Variants in CACNA1C observed in about 807,000 individuals in gnomAD.
CACNA1C encodes voltage-dependent L-type calcium channel subunit alpha-1C.
A neutral mutation model predicts 229.0 loss-of-function variants in CACNA1C; 30 were observed. The ratio of observed to expected loss-of-function variants is 0.13; its 90% CI spans 0.10 to 0.18. The LOEUF is 0.18. Ranked by LOEUF, CACNA1C falls within the 10% of genes least tolerant of loss-of-function variation. CACNA1C has a pLI of 1.00. For synonymous variants in CACNA1C, 1,114 were observed against 1,132.5 expected (o/e 0.98, Z 0.33); for missense variants, 1,658 against 2,845.0 (o/e 0.58, Z 9.49).
At chr12:2,016,088 G>A (rs1430800739) in intron 1 of CACNA1C, among the ~76,000 whole-genome samples, 1 of 152,172 alleles carries the variant, frequency 6.6e-6, no homozygotes, top group Non-Finnish European at 1.5e-5. Flanking sequence ...GAAATGGGGT[G>A]CTCCATCTTT....
Position 2,679,594 on chromosome 12 carries a change from C to T in CACNA1C, c.5242C>T (p.Leu1748=). 1 of 1,613,784 alleles carries T rather than the reference C, an allele frequency of 6.2e-7. No homozygotes were observed. The highest frequency in any genetic ancestry group is 8.5e-7 in the Non-Finnish European group (1 of 1,179,808). ...CACTGAGTCGCCATCCCACGAGAAG[C>T]TGGTGGACTCCACCTTCACCCCGAG... The part of the protein sequence containing the change: ...GDTESPSHEK[L]VDSTFTPSSY... The change falls in exon 42 of 47, where the codon CTG becomes TTG. Residue 1748 remains leucine, a synonymous_variant. Transcript: ENST00000399655. This position sits in a 1 kb window ranked among gnomAD's most constrained non-coding sequence, Gnocchi z 5.5.
intron 3 of CACNA1C, among the ~76,000 whole-genome samples, chr12:2,272,620 C>T (rs1414308032): frequency 6.6e-6 from 1 of 152,194 alleles, no homozygotes; most frequent in Non-Finnish European, 1.5e-5. Context: ...GGGAGTTTGA[C>T]GGTTGGCTGT....
At chr12:2,416,304 C>T (rs992935081) in intron 3 of CACNA1C, among the ~76,000 whole-genome samples, 1 of 151,406 alleles carries the variant, frequency 6.6e-6, no homozygotes, top group Non-Finnish European at 1.5e-5. Flanking sequence ...AAGTATCAGG[C>T]ACATTGGAGA....
rs1287814020 is a variant in CACNA1C at position 2,606,709 on chromosome 12, C to T, written c.3209+46C>T. The T allele has an allele frequency of 2.6e-6, 4 of 1,550,550 alleles. No homozygotes were observed. The African/African-American group carries it at 4.1e-5, about 16-fold the overall frequency. On this transcript the variant is annotated intron_variant, in intron 25 of 46. Transcript: ENST00000399655. ...AGCCAGGGCCACGGCCGGTCAGCCCCAGGAGGCTGGAGGCTTGACCAGAAA... is the reference window on the plus strand; with the variant it reads ...AGCCAGGGCCACGGCCGGTCAGCCCTAGGAGGCTGGAGGCTTGACCAGAAA...
intron 3 of CACNA1C, 88 bp downstream of exon 3, chr12:2,120,518 G>A: frequency 1.2e-6 from 1 of 820,732 alleles, no homozygotes; most frequent in Non-Finnish European, 2.2e-6. Context: ...TGGGAGAGAA[G>A]TGAGACGTGT....
chr12:2,491,321 A>G (rs2154571453), intron 6 of CACNA1C, among the ~76,000 whole-genome samples: 1 of 152,266 alleles, frequency 6.6e-6, no homozygotes, highest in East Asian at 1.9e-4. Context: ...GACTATATAA[A>G]CTTACTAAAA....
At chr12:2,520,830 G>T (rs147315829) in intron 9 of CACNA1C, among the ~76,000 whole-genome samples, 14 of 150,342 alleles carry the variant, frequency 9.3e-5, no homozygotes, top group African/African-American at 2.0e-4. Flanking sequence ...GTGTGCTTCA[G>T]AGGAGGGAAG....
At chr12:2,328,450 G>A (rs914777244) in intron 3 of CACNA1C, among the ~76,000 whole-genome samples, 1 of 152,218 alleles carries the variant, frequency 6.6e-6, no homozygotes, top group Non-Finnish European at 1.5e-5. Flanking sequence ...CAGAATGGGT[G>A]TTAGAATGAG....
chr12:2,579,069 A>C (rs1402657694), intron 13 of CACNA1C, among the ~76,000 whole-genome samples: 1 of 151,776 alleles, frequency 6.6e-6, no homozygotes, highest in Non-Finnish European at 1.5e-5. Context: ...TCTGCTCCTC[A>C]TCTGGGGCCT....
intron 3 of CACNA1C, among the ~76,000 whole-genome samples, chr12:2,399,542 C>G (rs1010804535): frequency 1.1e-4 from 16 of 152,240 alleles, no homozygotes; most frequent in Admixed American, 1.0e-3. Context: ...CTGAACTCCT[C>G]TCTGACCATA....
chr12:2,158,317 G>A (rs959477292), intron 3 of CACNA1C, among the ~76,000 whole-genome samples: 3 of 152,176 alleles, frequency 2.0e-5, no homozygotes, highest in Admixed American at 6.5e-5. Flanking sequence ...AGTGGCTCAC[G>A]CCTGTAATCC....
At chr12:2,506,752 G>A (rs1180617657) in intron 8 of CACNA1C, among the ~76,000 whole-genome samples, 1 of 152,158 alleles carries the variant, frequency 6.6e-6, no homozygotes, top group Non-Finnish European at 1.5e-5. Flanking sequence ...TGAGATCTAT[G>A]ATGAATGAGC....
At chr12:2,179,905 C>CT (rs1372105515) in intron 3 of CACNA1C, among the ~76,000 whole-genome samples, 1 of 152,242 alleles carries the variant, frequency 6.6e-6, no homozygotes, top group Non-Finnish European at 1.5e-5. Context: ...CTACCATGCT[C>CT]TTTCTCTGCT....
intron 15 of CACNA1C, 77 bp downstream of exon 15, chr12:2,583,019 C>T (rs2061108345): frequency 2.6e-6 from 3 of 1,146,036 alleles, no homozygotes; most frequent in African/African-American, 3.1e-5. Flanking sequence ...GGGCACGCCC[C>T]TCAGGTCCGG....
intron 3 of CACNA1C, among the ~76,000 whole-genome samples, chr12:2,258,331 A>G (rs927785806): frequency 6.6e-5 from 10 of 152,234 alleles, no homozygotes; most frequent in African/African-American, 2.4e-4. Context: ...GTGATTAGTC[A>G]GAATAATTTT....
At chr12:2,004,003 G>A (rs1382750820) in intron 1 of CACNA1C, among the ~76,000 whole-genome samples, 1 of 151,898 alleles carries the variant, frequency 6.6e-6, no homozygotes, top group Admixed American at 6.6e-5. Context: ...CCTTTCCTTC[G>A]GCTCTTATGG....
chr12:2,028,718 A>G (rs534600909), intron 1 of CACNA1C, among the ~76,000 whole-genome samples: 2 of 152,164 alleles, frequency 1.3e-5, no homozygotes, highest in Non-Finnish European at 1.5e-5. Flanking sequence ...GATGCAGGGA[A>G]TATTTCTGTA....
intron 3 of CACNA1C, among the ~76,000 whole-genome samples, chr12:2,406,143 C>A (rs1016298966): frequency 7.2e-5 from 11 of 152,094 alleles, no homozygotes; most frequent in Non-Finnish European, 1.2e-4. Flanking sequence ...ATTATTTTCC[C>A]CCCTGGGCAA....
chr12:2,363,668 G>A (rs924320083), intron 3 of CACNA1C, among the ~76,000 whole-genome samples: 1 of 151,852 alleles, frequency 6.6e-6, no homozygotes, highest in African/African-American at 2.4e-5. Context: ...GGTGATCTCT[G>A]TATAAGAATA....
Sources: allele counts gnomAD v4.1 joint callset (sites outside exome capture counted in the v4.1 genomes callset), GRCh38; gene constraint gnomAD v4.1.1; non-coding constraint Gnocchi (gnomAD v3.1); transcripts MANE v1.5; gene names NCBI Gene and HGNC (gene_info 2026-07-23, HGNC 2026-07-21).